Variants in STIM1 observed in about 807,000 individuals in gnomAD.
STIM1 encodes the protein stromal interaction molecule 1.
A neutral mutation model predicts 74.7 loss-of-function variants in STIM1; 25 were observed. That is an observed-to-expected ratio of 0.33 (90% CI 0.24 to 0.47). The LOEUF (loss-of-function observed/expected upper bound fraction) is 0.47. Ranked by LOEUF, STIM1 falls within the 20% of genes least tolerant of loss-of-function variation. The pLI is 1.00. For missense variants in STIM1, 728 were observed against 920.8 expected, an observed-to-expected ratio of 0.79 and a Z score of 2.71; for synonymous variants, 328 against 348.8, an observed-to-expected ratio of 0.94 and a Z score of 0.66.
intron 11 of STIM1, 149 bp from the exon 12 acceptor site, chr11:4,086,328 G>A: frequency 1.2e-6 from 1 of 820,874 alleles, no homozygotes; most frequent in Non-Finnish European, 1.9e-6. Flanking sequence ...ACCCCTGGTG[G>A]GAGGTTTCTG....
chr11:4,049,022 C>G (rs2094216267), intron 3 of STIM1, among the ~76,000 whole-genome samples: 1 of 152,234 alleles, frequency 6.6e-6, no homozygotes, highest in Non-Finnish European at 1.5e-5. Flanking sequence ...GCGTAAGCCA[C>G]TGCACCTGGC....
At chr11:4,079,867 A>AC (rs1379588620) in intron 7 of STIM1, among the ~76,000 whole-genome samples, 1 of 151,104 alleles carries the variant, frequency 6.6e-6, no homozygotes, top group Non-Finnish European at 1.5e-5. Flanking sequence ...GCCCAGGCAA[A>AC]CCCCCCCAGA....
At chr11:3,893,277 T>G (rs982266438) in intron 1 of STIM1, among the ~76,000 whole-genome samples, 1 of 152,118 alleles carries the variant, frequency 6.6e-6, no homozygotes, top group African/African-American at 2.4e-5. Context: ...TGGACAGGGA[T>G]GCTCAGTAAA....
At chr11:3,926,249 G>A (rs2092786957) in intron 1 of STIM1, among the ~76,000 whole-genome samples, 1 of 152,152 alleles carries the variant, frequency 6.6e-6, no homozygotes, top group Non-Finnish European at 1.5e-5. Flanking sequence ...AGATACTGAT[G>A]TTCTTCCTTG....
intron 1 of STIM1, among the ~76,000 whole-genome samples, chr11:3,872,789 A>G (rs535114955): frequency 1.3e-5 from 2 of 152,176 alleles, no homozygotes; most frequent in African/African-American, 4.8e-5. Flanking sequence ...TCAAAGTGCT[A>G]GGATTACAGG....
intron 3 of STIM1, among the ~76,000 whole-genome samples, chr11:4,042,877 A>G (rs181613383): frequency 9.8e-5 from 15 of 152,374 alleles, no homozygotes; most frequent in Admixed American, 7.2e-4. Context: ...TCTCAAACAC[A>G]TTAACTCATT....
chr11:3,941,729 C>T (rs954132577), intron 1 of STIM1, among the ~76,000 whole-genome samples: 3 of 150,550 alleles, frequency 2.0e-5, no homozygotes, highest in Non-Finnish European at 4.4e-5. Context: ...CTGTGTTGCC[C>T]AGGCTAGAGT....
At chr11:3,944,865 T>C (rs1171136187) in intron 1 of STIM1, among the ~76,000 whole-genome samples, 1 of 152,222 alleles carries the variant, frequency 6.6e-6, no homozygotes, top group Non-Finnish European at 1.5e-5. Context: ...TCTAGAGGAA[T>C]CAGCTACTAA....
At chr11:4,030,504 A>ATATGTTTAG (rs1164020609) in intron 3 of STIM1, among the ~76,000 whole-genome samples, 3 of 152,068 alleles carry the variant, frequency 2.0e-5, no homozygotes. Flanking sequence ...CTAATGAGAG[A>ATATGTTTAG]TATGTTTAGT....
chr11:3,905,405 G>C (rs1056995862), intron 1 of STIM1, among the ~76,000 whole-genome samples: 1 of 151,758 alleles, frequency 6.6e-6, no homozygotes, highest in African/African-American at 2.4e-5. Flanking sequence ...GGGTGGAGTG[G>C]AGACCTGAGC....
chr11:3,896,627 A>G (rs1230689049), intron 1 of STIM1, among the ~76,000 whole-genome samples: 3 of 152,214 alleles, frequency 2.0e-5, no homozygotes, highest in East Asian at 3.8e-4. Context: ...GGCAGAGACA[A>G]TGGTGCATAG....
chr11:4,084,787 C>T lies in STIM1; in HGVS notation c.1567+22C>T, dbSNP rs749945109. 27 of 1,288,782 alleles carry T rather than the reference C, an allele frequency of 2.1e-5. No individual in the cohort carries two copies. The South Asian group carries it at 3.1e-4, about 15-fold the overall frequency. The allele number at this position is 1,288,782 out of a possible 1,614,324, so 79.8% of individuals were successfully genotyped here. A position where few individuals can be genotyped will look rare whatever the true frequency, so the allele number is the denominator to read the frequency against. On this transcript the variant is annotated intron_variant, in intron 11 of 12. Transcript: ENST00000526596. ...CCCGGTTTGAGGAGCCCCTTTGGGG[C>T]ATTTTGTTTTTCTGACTTTCGGGAC...
At chr11:3,864,339 C>T (rs1021098935) in intron 1 of STIM1, among the ~76,000 whole-genome samples, 1 of 152,176 alleles carries the variant, frequency 6.6e-6, no homozygotes, top group African/African-American at 2.4e-5. Flanking sequence ...TTCTGTGCAT[C>T]GGGAGTCTGG....
chr11:3,855,274 G>A (rs893231637), upstream of STIM1: 1 of 152,318 alleles, frequency 6.6e-6, no homozygotes, highest in Non-Finnish European at 1.5e-5. Context: ...GACAGCTCTA[G>A]AACTGAGGCG....
At chr11:4,086,584 G>C (rs1035728023) in intron 12 of STIM1, 41 bp downstream of exon 12, 1 of 1,612,884 alleles carries the variant, frequency 6.2e-7, no homozygotes, top group South Asian at 1.1e-5. Context: ...GACAAGCCGG[G>C]TATCTCTGCG....
rs148636777 is a variant in STIM1 at position 4,085,598 on chromosome 11, C to T, written c.1567+833C>T. Among the ~76,000 whole-genome samples the T allele has an allele frequency of 2.4e-3, 363 of 152,314 alleles. 3 individuals carry two copies. The highest frequency in any genetic ancestry group is 7.9e-3 in the African/African-American group (327 of 41,556). ...TCCATAGTCCCACCATATTTGAGCACCTTCTCTATCACTCTTTTCTGTGAA... is the reference window on the plus strand; with the variant it reads ...TCCATAGTCCCACCATATTTGAGCATCTTCTCTATCACTCTTTTCTGTGAA... On this transcript the variant is annotated intron_variant, in intron 11 of 12. Coordinates refer to ENST00000526596, the MANE Select transcript of STIM1 (RefSeq NM_001382567.1).
chr11:4,006,965 A>G (rs758147859), intron 2 of STIM1, among the ~76,000 whole-genome samples: 47 of 152,156 alleles, frequency 3.1e-4, no homozygotes, highest in Non-Finnish European at 2.6e-4. Context: ...TTCTGGCTTT[A>G]TGTCAGTGAA....
At chr11:3,898,760 T>G (rs1184244290) in intron 1 of STIM1, among the ~76,000 whole-genome samples, 27 of 150,010 alleles carry the variant, frequency 1.8e-4, no homozygotes, top group Non-Finnish European at 2.8e-4. Flanking sequence ...CAGCACCATT[T>G]ATTAAATAGG....
At chr11:3,971,231 GAAA>G (rs771888539) in intron 2 of STIM1, among the ~76,000 whole-genome samples, 1 of 113,630 alleles carries the variant, frequency 8.8e-6, no homozygotes. Flanking sequence ...AAACAAGTAT[GAAA>G]AAAAAAAAAA....
Sources: gnomAD v4.1 joint callset for allele counts (sites outside exome capture counted in the v4.1 genomes callset) on GRCh38, gnomAD v4.1.1 for gene constraint, MANE v1.5 for transcripts, NCBI Gene and HGNC (gene_info 2026-07-23, HGNC 2026-07-21) for gene names.